The following NBAS variants were observed in gnomAD, a reference collection of about 807,000 sequenced individuals.
NBAS encodes NBAS subunit of NRZ tethering complex, also known as NAG/BC035112 fusion.
A neutral mutation model predicts 302.5 loss-of-function variants in NBAS; 219 were observed. That is an observed-to-expected ratio of 0.72 (90% CI 0.65 to 0.81). NBAS has a LOEUF of 0.81. NBAS is among the 30% of genes least tolerant of loss of function. NBAS has a pLI of 0.00. For missense variants in NBAS, 2,932 were observed against 2,841.6 expected (o/e 1.03, Z -0.72); for synonymous variants, 1,118 against 1,021.6 (o/e 1.09, Z -1.80).
chr2:15,138,046 G>A, the NBAS span, among the ~76,000 whole-genome samples: 3 of 152,106 alleles, frequency 2.0e-5, no homozygotes, highest in Admixed American at 1.3e-4. Context: ...CACAATACAC[G>A]AGAATCACAG....
chr2:14,984,632 A>G, the NBAS span, among the ~76,000 whole-genome samples: 8 of 152,322 alleles, frequency 5.3e-5, no homozygotes, highest in Non-Finnish European at 8.8e-5. Context: ...TTTCTAGCCC[A>G]GCACTAATTC....
At chr2:15,382,426 T>C (rs983389040) in intron 29 of NBAS, among the ~76,000 whole-genome samples, 1 of 152,104 alleles carries the variant, frequency 6.6e-6, no homozygotes, top group Admixed American at 6.5e-5. Context: ...AATAAACAAA[T>C]AACTACATTT....
intron 29 of NBAS, among the ~76,000 whole-genome samples, 194 bp from the exon 30 acceptor site, chr2:15,380,025 T>C (rs1674955523): frequency 6.6e-6 from 1 of 152,174 alleles, no homozygotes; most frequent in African/African-American, 2.4e-5. Context: ...ATTATGTGAC[T>C]TTCTCCTCAA....
the NBAS span, among the ~76,000 whole-genome samples, chr2:15,020,163 G>C: frequency 6.6e-6 from 1 of 152,166 alleles, no homozygotes; most frequent in African/African-American, 2.4e-5. Context: ...AAAGGGAAGA[G>C]AGTTTCCAAA....
chr2:15,242,632 T>A (rs1417768013), intron 44 of NBAS, among the ~76,000 whole-genome samples: 1 of 151,258 alleles, frequency 6.6e-6, no homozygotes, highest in Non-Finnish European at 1.5e-5. Flanking sequence ...TAAAAAAAAA[T>A]GTACCAGAGT....
At chr2:14,894,808 C>T in the NBAS span, among the ~76,000 whole-genome samples, 1 of 152,110 alleles carries the variant, frequency 6.6e-6, no homozygotes, top group Non-Finnish European at 1.5e-5. Flanking sequence ...CCTGTAATCC[C>T]AGCACTTTGG....
At chr2:14,809,875 C>G in the NBAS span, among the ~76,000 whole-genome samples, 1 of 152,228 alleles carries the variant, frequency 6.6e-6, no homozygotes, top group Non-Finnish European at 1.5e-5. Context: ...CCAAGGGAAT[C>G]TACCTATTGC....
At chr2:15,407,652 A>T (rs926569945) in intron 25 of NBAS, among the ~76,000 whole-genome samples, 1 of 152,214 alleles carries the variant, frequency 6.6e-6, no homozygotes, top group African/African-American at 2.4e-5. Context: ...GCAAAATTTT[A>T]AAAAAGACCC....
chr2:14,918,733 A>G, the NBAS span, among the ~76,000 whole-genome samples: 1 of 152,124 alleles, frequency 6.6e-6, no homozygotes, highest in Non-Finnish European at 1.5e-5. Context: ...TTGGTGTTTT[A>G]AAAAGCTCAC....
chr2:15,252,269 C>T (rs967045745), intron 44 of NBAS, among the ~76,000 whole-genome samples: 1 of 152,098 alleles, frequency 6.6e-6, no homozygotes, highest in African/African-American at 2.4e-5. Context: ...GAGGCCGAGG[C>T]GGTTGGATCA....
rs76327209 is a variant in NBAS at position 15,518,661 on chromosome 2, C to G, written c.747-7311G>C. Among the ~76,000 whole-genome samples, 304 of 152,150 alleles carry G rather than the reference C, an allele frequency of 2.0e-3. 2 individuals carry two copies. In the East Asian group the frequency reaches 0.043, roughly 22 times the overall value. On this transcript the variant is annotated intron_variant, in intron 9 of 51. Transcript: ENST00000281513. ...AGAGAAAGAAAAAGATTATATTACC[C>G]AATAATCTTTGTATTAGTCCATTTT...
intron 51 of NBAS, among the ~76,000 whole-genome samples, chr2:15,175,258 C>G (rs1664481990): frequency 6.6e-6 from 1 of 152,164 alleles, no homozygotes; most frequent in African/African-American, 2.4e-5. Flanking sequence ...AGCCACCGTG[C>G]CCGGCCAACA....
At chr2:15,018,389 C>G in the NBAS span, among the ~76,000 whole-genome samples, 1 of 151,910 alleles carries the variant, frequency 6.6e-6, no homozygotes, top group Non-Finnish European at 1.5e-5. Context: ...AAACATCACT[C>G]TTTACCCCAA....
the NBAS span, among the ~76,000 whole-genome samples, chr2:15,019,692 T>G: frequency 1.3e-5 from 2 of 152,132 alleles, no homozygotes; most frequent in African/African-American, 4.8e-5. Context: ...ATTTTGGAAA[T>G]GGGAATTTGG....
chr2:15,451,656 T>C (rs566112226), intron 21 of NBAS, among the ~76,000 whole-genome samples: 1 of 152,278 alleles, frequency 6.6e-6, no homozygotes, highest in East Asian at 1.9e-4. Context: ...TATTGATGTT[T>C]TGTTTTCATA....
At chr2:15,479,843 A>G (rs1477679316) in intron 12 of NBAS, among the ~76,000 whole-genome samples, 1 of 152,188 alleles carries the variant, frequency 6.6e-6, no homozygotes, top group Admixed American at 6.6e-5. Context: ...GAACTCTGTC[A>G]TACTCATCCC....
At chr2:15,415,262 T>G (rs1676871729) in intron 25 of NBAS, among the ~76,000 whole-genome samples, 1 of 152,236 alleles carries the variant, frequency 6.6e-6, no homozygotes, top group Admixed American at 6.5e-5. Flanking sequence ...AAGTCATGTA[T>G]AGAAGAATTC....
At chr2:14,806,106 T>C in the NBAS span, among the ~76,000 whole-genome samples, 1 of 152,282 alleles carries the variant, frequency 6.6e-6, no homozygotes, top group African/African-American at 2.4e-5. Flanking sequence ...TTAAAACACA[T>C]ATGGGTTTCC....
chr2:15,366,771 A>T, intron 31 of NBAS, 78 bp from the exon 32 acceptor site: 1 of 1,312,306 alleles, frequency 7.6e-7, no homozygotes, highest in Non-Finnish European at 1.1e-6. Context: ...AATGCAAGGC[A>T]TCCAAAGAAA....
Sources: gnomAD v4.1 joint callset for allele counts (sites outside exome capture counted in the v4.1 genomes callset) on GRCh38, gnomAD v4.1.1 for gene constraint, MANE v1.5 for transcripts, NCBI Gene and HGNC (gene_info 2026-07-23, HGNC 2026-07-21) for gene names.